TRIM37: variants seen among roughly 807,000 people sequenced by gnomAD.
TRIM37 encodes the protein tripartite motif containing 37.
A neutral mutation model predicts 129.8 loss-of-function variants in TRIM37; 80 were observed. The observed-to-expected ratio is 0.62, with a 90% CI of 0.51 to 0.74. The LOEUF (loss-of-function observed/expected upper bound fraction) is 0.74, where lower values mean the gene tolerates loss of function less well. Among genes scored for constraint, TRIM37 ranks in the 30% least tolerant of loss-of-function variants. TRIM37 has a pLI of 0.00. For synonymous variants in TRIM37, 389 were observed against 387.1 expected (o/e 1.00, Z -0.06); for missense variants, 1,054 against 1,176.5 (o/e 0.90, Z 1.52).
intron 19 of TRIM37, among the ~76,000 whole-genome samples, chr17:59,018,091 C>T (rs2036172225): frequency 6.6e-6 from 1 of 152,012 alleles, no homozygotes; most frequent in African/African-American, 2.4e-5. Flanking sequence ...AAACAAATTA[C>T]AATTATGGTA....
At chr17:59,007,333 T>C (rs1394001253) in intron 22 of TRIM37, among the ~76,000 whole-genome samples, 2 of 151,252 alleles carry the variant, frequency 1.3e-5, no homozygotes, top group African/African-American at 2.4e-5. Context: ...GATTTGTTAA[T>C]GTAAAAGAGT....
At chr17:59,074,238 T>C (rs998175666) in intron 8 of TRIM37, among the ~76,000 whole-genome samples, 2 of 152,242 alleles carry the variant, frequency 1.3e-5, no homozygotes, top group Non-Finnish European at 2.9e-5. Flanking sequence ...CTGTCACATA[T>C]GCAGTCTGTC....
intron 9 of TRIM37, among the ~76,000 whole-genome samples, chr17:59,064,615 T>C (rs2146583006): frequency 6.6e-6 from 1 of 152,230 alleles, no homozygotes; most frequent in East Asian, 1.9e-4. Flanking sequence ...AAATACTTTA[T>C]AAAAGTTTTT....
At chr17:59,019,180 CA>C (rs1204132537) in intron 19 of TRIM37, among the ~76,000 whole-genome samples, 1 of 152,112 alleles carries the variant, frequency 6.6e-6, no homozygotes, top group African/African-American at 2.4e-5. Flanking sequence ...ACCATATGTC[CA>C]AACAAAAACT....
chr17:59,104,556 A>G (rs1568276918), intron 1 of TRIM37, 162 bp from the exon 2 acceptor site: 3 of 777,150 alleles, frequency 3.9e-6, no homozygotes, highest in East Asian at 4.9e-5. Context: ...GAGTACCTCA[A>G]AACATCTGGA....
chr17:59,063,410 C>T lies in TRIM37; in HGVS notation c.861-762G>A, dbSNP rs551943870. Among the ~76,000 whole-genome samples the T allele has an allele frequency of 4.6e-5, 7 of 152,216 alleles. No individual in the cohort carries two copies. In the South Asian group the frequency reaches 1.5e-3, roughly 32 times the overall value. On this transcript the variant is annotated intron_variant, in intron 10 of 23. Transcript: ENST00000262294. ...GCCAGGCTGGTCTTGAACTCCTGAC[C>T]TCGATGATCCACCCGCCTTGGCCTC...
intron 4 of TRIM37, 67 bp downstream of exon 4, chr17:59,088,224 T>C (rs769035938): frequency 8.1e-5 from 78 of 967,876 alleles, no homozygotes; most frequent in Middle Eastern, 6.2e-4. Flanking sequence ...CAACTACCAA[T>C]ATAGTGTCAT....
intron 4 of TRIM37, among the ~76,000 whole-genome samples, chr17:59,086,018 C>T (rs1269486673): frequency 3.3e-5 from 5 of 152,008 alleles, no homozygotes; most frequent in African/African-American, 4.8e-5. Context: ...ATGGTGGCTG[C>T]CAGGGGCTGG....
At chr17:58,972,081 G>A in the TRIM37 span, 6 of 1,545,824 alleles carry the variant, frequency 3.9e-6, no homozygotes, top group South Asian at 7.0e-5. Flanking sequence ...CAATAAGAAT[G>A]TAGTATCTAT....
At chr17:59,027,781 T>C (rs987079122) in intron 19 of TRIM37, among the ~76,000 whole-genome samples, 11 of 152,174 alleles carry the variant, frequency 7.2e-5, no homozygotes, top group African/African-American at 2.2e-4. Context: ...TGCAAGACTC[T>C]CCCTGATCTA....
intron 2 of TRIM37, among the ~76,000 whole-genome samples, chr17:59,095,630 C>T (rs571152870): frequency 3.3e-5 from 5 of 152,316 alleles, no homozygotes; most frequent in Admixed American, 1.3e-4. Context: ...TCTTAGATGC[C>T]TTGTGAAAGC....
downstream of TRIM37, among the ~76,000 whole-genome samples, chr17:58,994,842 C>T (rs1051764315): frequency 3.3e-5 from 5 of 151,920 alleles, no homozygotes; most frequent in Middle Eastern, 3.4e-3. Context: ...CTCCGCCTCA[C>T]GGGTTTAAGC....
At chr17:59,042,439 A>T (rs1340079969) in intron 16 of TRIM37, among the ~76,000 whole-genome samples, 28 of 82,082 alleles carry the variant, frequency 3.4e-4, no homozygotes, top group African/African-American at 8.1e-4. Flanking sequence ...TTTAAAAAAA[A>T]AAAAAAAAAA....
intron 17 of TRIM37, among the ~76,000 whole-genome samples, chr17:59,040,719 G>A (rs1262076089): frequency 6.6e-6 from 1 of 152,182 alleles, no homozygotes; most frequent in Non-Finnish European, 1.5e-5. Context: ...GTGAGGACTA[G>A]TATTTAAGAA....
chr17:58,994,497 G>T (rs566810883), downstream of TRIM37, among the ~76,000 whole-genome samples: 5 of 152,290 alleles, frequency 3.3e-5, no homozygotes, highest in African/African-American at 9.6e-5. Flanking sequence ...TGAGGTGGGA[G>T]GATTGCTTGA....
intron 19 of TRIM37, 113 bp from the exon 20 acceptor site, chr17:59,017,537 T>C: frequency 7.0e-7 from 1 of 1,422,514 alleles, no homozygotes; most frequent in Non-Finnish European, 9.9e-7. Flanking sequence ...TTCTCTCTAC[T>C]GTCTAAAAAT....
At chr17:59,004,903 C>A (rs1326881239) in intron 22 of TRIM37, among the ~76,000 whole-genome samples, 1 of 152,126 alleles carries the variant, frequency 6.6e-6, no homozygotes, top group Admixed American at 6.5e-5. Flanking sequence ...ATTTAGAAAT[C>A]GTCTCCATCT....
chr17:59,031,982 T>C lies in TRIM37; in HGVS notation c.1862A>G (p.His621Arg). The change falls in exon 18 of 24, where the codon CAT (histidine) becomes CGT (arginine). Residue 621 changes from histidine (H) to arginine (R), a missense_variant. By Grantham distance (29) the His-to-Arg change is conservative (BLOSUM62 0). Around this residue, in one of 3 missense-constraint regions of TRIM37, gnomAD observed 752 missense variants for 870.8 expected, o/e 0.86. Coordinates refer to ENST00000262294, the MANE Select transcript of TRIM37 (RefSeq NM_015294.6). ...LLDIDPLILI[H>R]LLDLKDRSSI... ...GCTCCGGTCCTTAAGGTCCAACAAA[T>C]GTATTAAAATTAATGGATCAATGTC... 1 of 1,614,168 alleles carries C rather than the reference T, an allele frequency of 6.2e-7. No homozygotes were observed. Among genetic ancestry groups the C allele is most frequent in the Non-Finnish European group, 8.5e-7 (1 of 1,180,018 alleles).
intron 13 of TRIM37, among the ~76,000 whole-genome samples, chr17:59,053,209 A>C (rs2040516720): frequency 6.6e-6 from 1 of 152,242 alleles, no homozygotes; most frequent in Non-Finnish European, 1.5e-5. Flanking sequence ...ACCAAGCAGC[A>C]GGTAAAATTT....
Sources: allele counts gnomAD v4.1 joint callset (sites outside exome capture counted in the v4.1 genomes callset), GRCh38; gene constraint gnomAD v4.1.1; regional missense constraint gnomAD v4.1.1; transcripts MANE v1.5; gene names NCBI Gene and HGNC (gene_info 2026-07-23, HGNC 2026-07-21).